ITGB1: variants seen among roughly 807,000 people sequenced by gnomAD.
ITGB1 encodes integrin subunit beta 1.
Under a neutral mutation model 86.5 loss-of-function variants are expected in ITGB1, and 24 were observed. That is an observed-to-expected ratio of 0.28 (90% CI 0.20 to 0.39). The LOEUF (loss-of-function observed/expected upper bound fraction) is 0.39, where lower values mean the gene tolerates loss of function less well. Ranked by LOEUF, ITGB1 falls within the 10% of genes least tolerant of loss-of-function variation. The pLI is 1.00. For synonymous variants in ITGB1, 323 were observed against 316.8 expected, an observed-to-expected ratio of 1.02 and a Z score of -0.21; for missense variants, 556 against 946.9, an observed-to-expected ratio of 0.59 and a Z score of 5.42.
At chr10:32,928,408 A>G (rs2094972351) in intron 4 of ITGB1, 144 bp from the exon 5 acceptor site, 3 of 547,514 alleles carry the variant, frequency 5.5e-6, no homozygotes, top group African/African-American at 1.9e-5. Flanking sequence ...TGGGAATTCC[A>G]TAAGTAACTC....
At chr10:32,929,692 T>G in intron 4 of ITGB1, 130 bp downstream of exon 4, 1 of 653,954 alleles carries the variant, frequency 1.5e-6, no homozygotes, top group Non-Finnish European at 2.8e-6. Flanking sequence ...ATTTAAACAA[T>G]TCCACATTTT....
At chr10:32,914,928 C>A (rs2094926787) in intron 11 of ITGB1, among the ~76,000 whole-genome samples, 1 of 152,178 alleles carries the variant, frequency 6.6e-6, no homozygotes, top group Non-Finnish European at 1.5e-5. Flanking sequence ...AAGCACTCCT[C>A]AGCAAATGTA....
At chr10:32,909,104 G>T (rs1194052984) in intron 14 of ITGB1, among the ~76,000 whole-genome samples, 1 of 152,140 alleles carries the variant, frequency 6.6e-6, no homozygotes, top group Non-Finnish European at 1.5e-5. Flanking sequence ...AAAGAATAAA[G>T]TTGGAAGACC....
chr10:32,934,227 C>T (rs764480443), intron 2 of ITGB1, among the ~76,000 whole-genome samples: 3 of 152,034 alleles, frequency 2.0e-5, no homozygotes, highest in South Asian at 2.1e-4. Context: ...CAAGCAACCA[C>T]GGATCAAAAA....
At position 32,933,212 on chromosome 10, in the gene ITGB1, T is replaced by C. The variant is rs1193836869; in HGVS notation, c.68-612A>G. 6 of 152,260 alleles carry C rather than the reference T, an allele frequency of 3.9e-5. No individual in the cohort carries two copies. In the South Asian group the frequency reaches 8.3e-4, roughly 21 times the overall value. 9.4% of individuals were successfully genotyped at this position (152,260 alleles called of 1,614,324 possible). A position where few individuals can be genotyped will look rare whatever the true frequency, so the allele number is the denominator to read the frequency against. ...TGACACTGAAAGCCACAGAGAGACATAAGTTATCTTCCTTGTCTTCTGTAT... is the reference window on the plus strand; with the variant it reads ...TGACACTGAAAGCCACAGAGAGACACAAGTTATCTTCCTTGTCTTCTGTAT... On this transcript the variant is annotated intron_variant, in intron 2 of 15. Coordinates refer to ENST00000302278, the MANE Select transcript of ITGB1 (RefSeq NM_002211.4).
intron 1 of ITGB1, among the ~76,000 whole-genome samples, chr10:32,950,722 A>G (rs944218765): frequency 2.0e-5 from 3 of 152,232 alleles, no homozygotes; most frequent in African/African-American, 7.2e-5. Flanking sequence ...ATGGCTTTTT[A>G]AAGAGCACTA....
In ITGB1 at chr10:32,911,903, T is replaced by C. The variant is rs201792925; in HGVS notation, c.1691A>G (p.Asn564Ser). 4.8e-5 allele frequency: 78 copies of C among 1,612,560 alleles called. No homozygotes were observed. The highest frequency in any genetic ancestry group is 5.3e-5 in the Non-Finnish European group (62 of 1,179,248). The change falls in exon 12 of 16, where the codon AAT becomes AGT. Residue 564 changes from asparagine to serine, a missense_variant. Physicochemically the swap from Asn to Ser is conservative, Grantham distance 46 (BLOSUM62 1). Around this residue, in one of 4 missense-constraint regions of ITGB1, gnomAD observed 330 missense variants for 531.5 expected, o/e 0.62. Coordinates refer to ENST00000302278, the MANE Select transcript of ITGB1 (RefSeq NM_002211.4). Reference sequence around the variant, plus strand: ...TTACTTACCTCCACAAATTAAGCCATTGGATCTATCACAGTTGAAATTATC... The same window carrying C: ...TTACTTACCTCCACAAATTAAGCCACTGGATCTATCACAGTTGAAATTATC... ...ECDNFNCDRS[N>S]GLICGGNGVC...
At chr10:32,911,838 G>C (rs568173394) in intron 12 of ITGB1, 48 bp downstream of exon 12, 1 of 1,515,298 alleles carries the variant, frequency 6.6e-7, no homozygotes, top group African/African-American at 1.4e-5. Flanking sequence ...ATTTTTCGTG[G>C]CATTAGATGG....
At chr10:32,915,045 T>G (rs1394924998) in intron 11 of ITGB1, among the ~76,000 whole-genome samples, 1 of 152,134 alleles carries the variant, frequency 6.6e-6, no homozygotes, top group Non-Finnish European at 1.5e-5. Context: ...GGAAACTAAA[T>G]GACCTGCTCC....
intron 15 of ITGB1, among the ~76,000 whole-genome samples, chr10:32,905,339 T>A (rs1355975756): frequency 6.6e-6 from 1 of 152,234 alleles, no homozygotes; most frequent in Non-Finnish European, 1.5e-5. Flanking sequence ...CTCTTATTCA[T>A]GATCAGTTTG....
chr10:32,911,374 G>T, intron 13 of ITGB1, 74 bp downstream of exon 13: 1 of 1,277,108 alleles, frequency 7.8e-7, no homozygotes, highest in Non-Finnish European at 1.1e-6. Flanking sequence ...CACTGTTCTG[G>T]TTCTAGAAAC....
intron 1 of ITGB1, among the ~76,000 whole-genome samples, chr10:32,939,692 C>G (rs1398459115): frequency 6.6e-6 from 1 of 151,354 alleles, no homozygotes; most frequent in Non-Finnish European, 1.5e-5. Flanking sequence ...GCTTGCAGGA[C>G]TGGAAGCTGC....
chr10:32,922,010 TAAAC>T (rs752762391), intron 9 of ITGB1, among the ~76,000 whole-genome samples: 4 of 152,336 alleles, frequency 2.6e-5, no homozygotes, highest in South Asian at 4.1e-4. Flanking sequence ...TCCTTAATGA[TAAAC>T]AAACAGTTAT....
At chr10:32,920,416 A>G (rs1244428280) in intron 9 of ITGB1, 31 bp from the exon 10 acceptor site, 1 of 1,604,260 alleles carries the variant, frequency 6.2e-7, no homozygotes, top group Non-Finnish European at 8.5e-7. Context: ...ACACAGGAAA[A>G]GTCAAACAAA....
chr10:32,911,300 T>C lies in ITGB1; in HGVS notation c.1931+148A>G. On this transcript the variant is annotated intron_variant, in intron 13 of 15. Coordinates refer to ENST00000302278, the MANE Select transcript of ITGB1 (RefSeq NM_002211.4). ...TATACTAGCTGTTGAGAAAGAACTT[T>C]TAAGAATTAAAGAGTAGGCTTCCAC... 4 of 658,444 alleles carry C rather than the reference T, an allele frequency of 6.1e-6. 1 individual carries two copies. Among genetic ancestry groups the C allele is most frequent in the Middle Eastern group, 8.5e-4 (2 of 2,360 alleles). 40.8% of individuals were successfully genotyped at this position (658,444 alleles called of 1,614,324 possible).
At chr10:32,939,239 T>C (rs568718461) in intron 1 of ITGB1, among the ~76,000 whole-genome samples, 142 of 152,306 alleles carry the variant, frequency 9.3e-4, no homozygotes, top group African/African-American at 3.3e-3. Flanking sequence ...TATGAGGGGA[T>C]AACAGGGAAA....
chr10:32,927,600 T>C (rs1443644928), intron 5 of ITGB1, among the ~76,000 whole-genome samples: 1 of 152,172 alleles, frequency 6.6e-6, no homozygotes, highest in African/African-American at 2.4e-5. Context: ...GAGACCAGCC[T>C]GGCCAACATG....
intron 1 of ITGB1, among the ~76,000 whole-genome samples, chr10:32,947,468 T>TGTGTGTGTGTGTGTGTGTGTGTGTGA (rs1555222166): frequency 6.7e-6 from 1 of 150,312 alleles, no homozygotes. Context: ...TGTGTGTGTG[T>TGTGTGTGTGTGTGTGTGTGTGTGTGA]ACGTACATAC....
chr10:32,950,853 G>A (rs996153864), intron 1 of ITGB1, among the ~76,000 whole-genome samples: 15 of 152,084 alleles, frequency 9.9e-5, no homozygotes, highest in African/African-American at 3.1e-4. Context: ...CTCACAACAC[G>A]GCGAGATACT....
Sources: gnomAD v4.1 joint callset for allele counts (sites outside exome capture counted in the v4.1 genomes callset) on GRCh38, gnomAD v4.1.1 for gene constraint, gnomAD v4.1.1 regional missense constraint, MANE v1.5 for transcripts, NCBI Gene and HGNC (gene_info 2026-07-23, HGNC 2026-07-21) for gene names.